The following PRKG1 variants were observed in gnomAD, a reference collection of about 807,000 sequenced individuals.
PRKG1 encodes the protein protein kinase cGMP-dependent 1.
A neutral mutation model predicts 88.1 loss-of-function variants in PRKG1; 35 were observed. The ratio of observed to expected loss-of-function variants is 0.40; its 90% confidence interval spans 0.30 to 0.53. The LOEUF (loss-of-function observed/expected upper bound fraction) is 0.53, where lower values mean the gene tolerates loss of function less well. Among genes scored for constraint, PRKG1 ranks in the 20% least tolerant of loss-of-function variants. PRKG1 has a pLI of 0.59. For synonymous variants in PRKG1, 303 were observed against 292.5 expected (o/e 1.04, Z -0.37); for missense variants, 540 against 839.8 (o/e 0.64, Z 4.41).
chr10:51,367,896 A>G (rs1185465853), intron 2 of PRKG1, among the ~76,000 whole-genome samples: 5 of 151,924 alleles, frequency 3.3e-5, no homozygotes, highest in East Asian at 1.9e-4. Context: ...CTTAATTTAC[A>G]TTGCTTATTA....
intron 3 of PRKG1, among the ~76,000 whole-genome samples, chr10:51,624,837 C>G (rs1423459372): frequency 6.6e-6 from 1 of 152,198 alleles, no homozygotes; most frequent in African/African-American, 2.4e-5. Flanking sequence ...CACAATCTCA[C>G]TCATATGTTG....
At chr10:51,835,025 A>T (rs530517078) in intron 4 of PRKG1, among the ~76,000 whole-genome samples, 1 of 152,322 alleles carries the variant, frequency 6.6e-6, no homozygotes, top group East Asian at 1.9e-4. Context: ...AAGAAAGCCC[A>T]TAAGCCCACA....
At position 51,884,929 on chromosome 10, in the gene PRKG1, C is replaced by A. The variant is rs140784154; in HGVS notation, c.699-22578C>A. Among the ~76,000 whole-genome samples the A allele has an allele frequency of 2.0e-3, 301 of 152,266 alleles. 1 individual carries two copies. The highest frequency in any genetic ancestry group is 7.0e-3 in the African/African-American group (292 of 41,542). On this transcript the variant is annotated intron_variant, in intron 4 of 17. Coordinates refer to ENST00000373980, the MANE Select transcript of PRKG1 (RefSeq NM_006258.4). Reference sequence around the variant, plus strand: ...AGTGTTTGGAAGCATCTTTAACTCACCATGGAGATATCAGTTTACTCATCC... The same window carrying A: ...AGTGTTTGGAAGCATCTTTAACTCAACATGGAGATATCAGTTTACTCATCC...
intron 4 of PRKG1, among the ~76,000 whole-genome samples, chr10:51,879,865 A>C (rs1841393031): frequency 1.3e-5 from 2 of 152,234 alleles, no homozygotes; most frequent in Admixed American, 1.3e-4. Context: ...GGAATTTCAC[A>C]AATATACTAC....
At chr10:51,330,018 T>C (rs1841692010) in intron 2 of PRKG1, among the ~76,000 whole-genome samples, 1 of 151,000 alleles carries the variant, frequency 6.6e-6, no homozygotes, top group African/African-American at 2.4e-5. Context: ...GAGAAAGTTT[T>C]CTGCAACTGT....
chr10:51,460,414 C>A (rs1839715866), intron 2 of PRKG1, among the ~76,000 whole-genome samples: 1 of 152,090 alleles, frequency 6.6e-6, no homozygotes, highest in South Asian at 2.1e-4. Flanking sequence ...AACAATAGAG[C>A]AAGAATGTAT....
At chr10:51,141,730 C>A (rs1845824086) in intron 1 of PRKG1, among the ~76,000 whole-genome samples, 1 of 151,994 alleles carries the variant, frequency 6.6e-6, no homozygotes, top group Non-Finnish European at 1.5e-5. Context: ...CTGTCTCATG[C>A]CGTGAAAATC....
At chr10:51,237,729 A>G (rs1461064865) in intron 2 of PRKG1, among the ~76,000 whole-genome samples, 2 of 152,198 alleles carry the variant, frequency 1.3e-5, no homozygotes, top group Admixed American at 6.5e-5. Flanking sequence ...ATAAAGACAG[A>G]AGATTCTGAT....
At chr10:51,745,352 G>A (rs1051832314) in intron 3 of PRKG1, among the ~76,000 whole-genome samples, 6 of 151,820 alleles carry the variant, frequency 4.0e-5, no homozygotes, top group Admixed American at 3.9e-4. Context: ...AGCAGTTTTA[G>A]GTTCACAGCA....
At chr10:51,104,909 T>C (rs1220553195) in intron 1 of PRKG1, among the ~76,000 whole-genome samples, 1 of 151,978 alleles carries the variant, frequency 6.6e-6, no homozygotes, top group Non-Finnish European at 1.5e-5. Context: ...TTGTATTGTT[T>C]TAGTAGAGAT....
intron 3 of PRKG1, among the ~76,000 whole-genome samples, chr10:51,762,961 T>G (rs1029440755): frequency 1.3e-5 from 2 of 152,226 alleles, no homozygotes; most frequent in African/African-American, 4.8e-5. Context: ...TAAAATCTGG[T>G]ATCCTAGTCC....
chr10:51,941,355 T>C (rs911862953), intron 5 of PRKG1, among the ~76,000 whole-genome samples: 2 of 152,058 alleles, frequency 1.3e-5, no homozygotes, highest in African/African-American at 4.8e-5. Flanking sequence ...ATGTACAATA[T>C]TCTGTCTCAG....
Position 51,875,087 on chromosome 10 carries a change from G to A in PRKG1, c.699-32420G>A, listed in dbSNP as rs118123915. Among the ~76,000 whole-genome samples, 145 of 152,166 alleles carry A rather than the reference G, an allele frequency of 9.5e-4. 3 individuals are homozygous for A. In the East Asian group the frequency reaches 0.021, roughly 22 times the overall value. ...ACTTCCACTCTGTGGAAGCCTGCTT[G>A]ATTAGAAGAAAACAACATAAAGTAG... On this transcript the variant is annotated intron_variant, in intron 4 of 17. Transcript: ENST00000373980.
Position 51,200,929 on chromosome 10 carries a change from T to C in PRKG1, c.478+47599T>C, listed in dbSNP as rs748187367. The stretch of plus-strand genomic sequence containing the variant: ...AGCTCAGAGATTCTCTTGAGGGTTT[T>C]AGGGAAAGATTTGGCTCTTTCTGTA... On this transcript the variant is annotated intron_variant, in intron 2 of 17. Transcript: ENST00000373980. Among the ~76,000 whole-genome samples the C allele has an allele frequency of 5.5e-4, 84 of 152,310 alleles. 1 individual carries two copies. The highest frequency in any genetic ancestry group is 1.9e-3 in the Admixed American group (29 of 15,290).
intron 4 of PRKG1, among the ~76,000 whole-genome samples, chr10:51,809,657 C>T (rs1839400734): frequency 6.6e-6 from 1 of 152,170 alleles, no homozygotes; most frequent in Non-Finnish European, 1.5e-5. Flanking sequence ...GTTTCACTGA[C>T]AAATCAGAGA....
chr10:51,799,413 A>G (rs1169389071), intron 3 of PRKG1, among the ~76,000 whole-genome samples: 1 of 151,998 alleles, frequency 6.6e-6, no homozygotes, highest in East Asian at 1.9e-4. Context: ...TCCAAGGGAC[A>G]CATTTTCTTC....
At chr10:51,311,122 G>A (rs7909350) in intron 2 of PRKG1, among the ~76,000 whole-genome samples, 10,274 of 152,202 alleles carry the variant, frequency 0.068, 504 homozygotes, top group African/African-American at 0.13. Context: ...CTCAGGGTCA[G>A]GTTCAAAAGG....
At chr10:52,022,386 T>C (rs6480656) in intron 5 of PRKG1, among the ~76,000 whole-genome samples, 2,244 of 152,318 alleles carry the variant, frequency 0.015, 64 homozygotes, top group African/African-American at 0.051. Context: ...CAATGAAAAA[T>C]GTTTCAAATA....
chr10:51,014,147 G>A (rs981201139), intron 1 of PRKG1, among the ~76,000 whole-genome samples: 10 of 152,162 alleles, frequency 6.6e-5, no homozygotes, highest in African/African-American at 2.4e-4. Context: ...TTTCTCTATT[G>A]CTGTATCTGT....
Sources: allele counts gnomAD v4.1 joint callset (sites outside exome capture counted in the v4.1 genomes callset), GRCh38; gene constraint gnomAD v4.1.1; transcripts MANE v1.5; gene names NCBI Gene and HGNC (gene_info 2026-07-23, HGNC 2026-07-21).